The following DAB1 variants were observed in gnomAD, a reference collection of about 807,000 sequenced individuals.
DAB1 encodes the protein disabled homolog 1.
In DAB1, 15 loss-of-function variants were observed where a neutral mutation model predicts 64.6. The observed-to-expected ratio is 0.23, with a 90% CI of 0.16 to 0.36. The LOEUF (loss-of-function observed/expected upper bound fraction) is 0.36, where lower values mean the gene tolerates loss of function less well. DAB1 is among the 10% of genes least tolerant of loss of function. DAB1 has a pLI of 1.00. For synonymous variants in DAB1, 235 were observed against 251.9 expected, an observed-to-expected ratio of 0.93 and a Z score of 0.64; for missense variants, 596 against 706.7, an observed-to-expected ratio of 0.84 and a Z score of 1.78.
At chr1:57,897,620 T>C (rs1183342098) in intron 5 of DAB1, among the ~76,000 whole-genome samples, 1 of 152,134 alleles carries the variant, frequency 6.6e-6, no homozygotes, top group Non-Finnish European at 1.5e-5. Context: ...ATTGTATTAC[T>C]CTCATCCCCC....
intron 3 of DAB1, among the ~76,000 whole-genome samples, chr1:58,360,617 A>C (rs1299892526): frequency 6.6e-6 from 1 of 152,074 alleles, no homozygotes; most frequent in African/African-American, 2.4e-5. Flanking sequence ...AGAAAAAATA[A>C]GATTTTGTGG....
chr1:58,287,113 A>T (rs1191515975), intron 4 of DAB1, among the ~76,000 whole-genome samples: 1 of 152,204 alleles, frequency 6.6e-6, no homozygotes, highest in East Asian at 1.9e-4. Context: ...GTGGGAGCCA[A>T]ACAATGTAAA....
At chr1:58,482,934 G>A (rs1031037930) in intron 3 of DAB1, among the ~76,000 whole-genome samples, 7 of 152,074 alleles carry the variant, frequency 4.6e-5, no homozygotes, top group Non-Finnish European at 1.0e-4. Context: ...TATTTGTGGG[G>A]TCCATGGAAA....
chr1:57,523,751 A>G (rs2805884), intron 7 of DAB1, among the ~76,000 whole-genome samples: 108,085 of 151,616 alleles, frequency 0.71, 38,672 homozygotes, highest in South Asian at 0.79. Flanking sequence ...GTGAAATCTC[A>G]TCTCTACCAA....
chr1:57,109,050 C>A lies in DAB1; in HGVS notation c.306+27493G>T, dbSNP rs1655418365. Among the ~76,000 whole-genome samples the A allele has an allele frequency of 2.0e-5, 3 of 152,288 alleles. No homozygotes were observed. In the South Asian group the frequency reaches 6.2e-4, roughly 32 times the overall value. ...TGGCTTAGTAACTGGGACTTCCATC[C>A]TGCTATGGCCATTTGGACTTGGTGT... On this transcript the variant is annotated intron_variant, in intron 4 of 14. Coordinates refer to ENST00000371236, the MANE Select transcript of DAB1 (RefSeq NM_001365792.1).
intron 7 of DAB1, among the ~76,000 whole-genome samples, chr1:57,542,978 A>G (rs1252688572): frequency 6.6e-6 from 1 of 152,144 alleles, no homozygotes; most frequent in East Asian, 1.9e-4. Context: ...TGGAGAGGTT[A>G]CTGTGAAGAG....
rs1557427566 is a variant in DAB1 at position 57,695,273 on chromosome 1, G to GGAGAGAGAAAGAAAGA, written n.552-45609_552-45608insTCTTTCTTTCTCTCTC. ...AGAAAGAAAGAAGGAAGGAAGGAAG[G>GGAGAGAGAAAGAAAGA]AAGGAAGGAAGAAAGGGAGAGAGAA... On this transcript the variant is annotated intron_variant and non_coding_transcript_variant, in intron 6 of 20. Transcript: ENST00000485760. 2.4e-4 allele frequency among the ~76,000 whole-genome samples: 18 copies of GGAGAGAGAAAGAAAGA among 76,424 alleles called. 5 individuals carry two copies. Among genetic ancestry groups the GGAGAGAGAAAGAAAGA allele is most frequent in the South Asian group, 1.0e-3 (2 of 1,984 alleles). 50.1% of individuals were successfully genotyped at this position (76,424 alleles called of 152,430 possible). A position where few individuals can be genotyped will look rare whatever the true frequency, so the allele number is the denominator to read the frequency against.
chr1:58,545,308 A>G (rs1463478491), intron 1 of DAB1, among the ~76,000 whole-genome samples: 1 of 152,246 alleles, frequency 6.6e-6, no homozygotes, highest in Non-Finnish European at 1.5e-5. Context: ...CACAGAAGGT[A>G]TAAGCAAAAG....
intron 9 of DAB1, among the ~76,000 whole-genome samples, chr1:57,027,345 C>T (rs1477516647): frequency 6.6e-6 from 1 of 152,150 alleles, no homozygotes; most frequent in Non-Finnish European, 1.5e-5. Context: ...ACAACCACCT[C>T]GTTTGCAGGT....
intron 7 of DAB1, among the ~76,000 whole-genome samples, chr1:57,491,542 G>T (rs1374141002): frequency 2.6e-5 from 4 of 152,204 alleles, no homozygotes; most frequent in African/African-American, 9.6e-5. Flanking sequence ...CCAATACAAT[G>T]GTTGTCATAT....
At chr1:57,073,770 G>C (rs1651729148) in intron 4 of DAB1, among the ~76,000 whole-genome samples, 1 of 152,024 alleles carries the variant, frequency 6.6e-6, no homozygotes, top group Admixed American at 6.5e-5. Context: ...AATAAAAAGA[G>C]GCCCCATGCA....
intron 4 of DAB1, among the ~76,000 whole-genome samples, chr1:58,323,491 CG>C (rs1192193046): frequency 3.3e-5 from 5 of 152,020 alleles, no homozygotes; most frequent in African/African-American, 1.2e-4. Flanking sequence ...TAGACATCCA[CG>C]GAAAGGCCTC....
chr1:57,520,931 G>A (rs940839103), intron 7 of DAB1, among the ~76,000 whole-genome samples: 4 of 151,920 alleles, frequency 2.6e-5, no homozygotes, highest in African/African-American at 7.2e-5. Context: ...AAAGACATTG[G>A]GAAGACGTGT....
chr1:57,592,809 C>G (rs1178407903), intron 7 of DAB1, among the ~76,000 whole-genome samples: 1 of 152,154 alleles, frequency 6.6e-6, no homozygotes, highest in Admixed American at 6.5e-5. Flanking sequence ...GGTGAGGGCT[C>G]TCTTCCTGGC....
intron 2 of DAB1, among the ~76,000 whole-genome samples, chr1:57,212,444 T>A (rs1205184766): frequency 7.4e-6 from 1 of 134,748 alleles, no homozygotes; most frequent in Non-Finnish European, 1.5e-5. Flanking sequence ...CTCAGCTCAC[T>A]GCAAGCTCCA....
At chr1:58,455,054 C>A (rs753189758) in intron 3 of DAB1, among the ~76,000 whole-genome samples, 2 of 152,192 alleles carry the variant, frequency 1.3e-5, no homozygotes, top group Non-Finnish European at 2.9e-5. Flanking sequence ...TATCACCTTG[C>A]ACAGTTCTGA....
intron 6 of DAB1, among the ~76,000 whole-genome samples, chr1:57,813,985 T>G (rs543704215): frequency 6.6e-6 from 1 of 152,346 alleles, no homozygotes; most frequent in East Asian, 1.9e-4. Context: ...ACTTTCTTAG[T>G]GAACTTTTTG....
intron 9 of DAB1, among the ~76,000 whole-genome samples, chr1:57,058,377 G>A (rs1475010917): frequency 6.6e-6 from 1 of 152,190 alleles, no homozygotes; most frequent in Non-Finnish European, 1.5e-5. Flanking sequence ...GACAATAGAT[G>A]AGCTTTGAGT....
intron 1 of DAB1, among the ~76,000 whole-genome samples, chr1:57,330,450 G>C (rs1676560614): frequency 6.6e-6 from 1 of 152,060 alleles, no homozygotes; most frequent in Admixed American, 6.6e-5. Flanking sequence ...TTTACTAGCT[G>C]GGTAACCTTG....
Sources: allele counts gnomAD v4.1 joint callset (sites outside exome capture counted in the v4.1 genomes callset), GRCh38; gene constraint gnomAD v4.1.1; transcripts MANE v1.5; gene names NCBI Gene and HGNC (gene_info 2026-07-23, HGNC 2026-07-21).